The following PCDH15 variants were observed in gnomAD, a reference collection of about 807,000 sequenced individuals.
The protein encoded by PCDH15 is protocadherin-15.
In PCDH15, 129 loss-of-function variants were observed where a neutral mutation model predicts 178.5. The ratio of observed to expected loss-of-function variants is 0.72; its 90% CI spans 0.63 to 0.84. The LOEUF (loss-of-function observed/expected upper bound fraction) is 0.84. Ranked by LOEUF, PCDH15 falls within the 40% of genes least tolerant of loss-of-function variation. The pLI is 0.00. For missense variants in PCDH15, 2,230 were observed against 2,099.9 expected (o/e 1.06, Z -1.21); for synonymous variants, 800 against 732.0 (o/e 1.09, Z -1.50).
chr10:53,855,049 G>A (rs1395865821), intron 28 of PCDH15, among the ~76,000 whole-genome samples: 1 of 151,770 alleles, frequency 6.6e-6, no homozygotes. Flanking sequence ...GATAAATTTT[G>A]TCTCAAAATA....
At chr10:55,391,989 T>C (rs548829292) in intron 2 of PCDH15, among the ~76,000 whole-genome samples, 1 of 152,188 alleles carries the variant, frequency 6.6e-6, no homozygotes, top group Admixed American at 6.6e-5. Flanking sequence ...GTAGGGTTAT[T>C]AACTGGTTTA....
In PCDH15 at chr10:55,195,690, C is replaced by T. The variant is rs957923901; in HGVS notation, c.-155-29039G>A. On this transcript the variant is annotated intron_variant, in intron 1 of 5. Coordinates refer to the PCDH15 transcript ENST00000458638. The stretch of plus-strand genomic sequence containing the variant: ...AAAAAAAAGTAGTAAAGGAGACATG[C>T]GTGATAGATTTAAACAAAATGTATA... Among the ~76,000 whole-genome samples, 4 of 148,414 alleles carry T rather than the reference C, an allele frequency of 2.7e-5. 1 individual carries two copies. The highest frequency in any genetic ancestry group is 4.5e-5 in the Non-Finnish European group (3 of 67,388).
chr10:54,482,168 C>T (rs888176473), intron 3 of PCDH15, among the ~76,000 whole-genome samples: 1 of 151,840 alleles, frequency 6.6e-6, no homozygotes, highest in African/African-American at 2.4e-5. Flanking sequence ...ATTTGAACTT[C>T]TAATACCTAT....
intron 23 of PCDH15, among the ~76,000 whole-genome samples, chr10:53,955,039 T>A (rs1351945352): frequency 6.6e-6 from 1 of 152,208 alleles, no homozygotes; most frequent in Non-Finnish European, 1.5e-5. Flanking sequence ...GAGGTTGAAC[T>A]AGGACACAGT....
chr10:54,752,485 A>C (rs2384532), intron 1 of PCDH15, among the ~76,000 whole-genome samples: 40,694 of 82,964 alleles, frequency 0.49, 10,957 homozygotes, highest in East Asian at 0.68. Context: ...TCAAAAAAAA[A>C]AAAAAACAAA....
intron 2 of PCDH15, among the ~76,000 whole-genome samples, chr10:55,490,078 A>C (rs893647160): frequency 6.6e-6 from 1 of 151,768 alleles, no homozygotes; most frequent in Non-Finnish European, 1.5e-5. Context: ...AACAATTTAC[A>C]GACATTGGAC....
intron 2 of PCDH15, among the ~76,000 whole-genome samples, chr10:55,387,841 G>C (rs1837699435): frequency 6.6e-6 from 1 of 151,590 alleles, no homozygotes; most frequent in Non-Finnish European, 1.5e-5. Flanking sequence ...AACACACCGT[G>C]GTATTTTTTT....
At position 53,961,736 on chromosome 10, in the gene PCDH15, G is replaced by T; in HGVS notation, c.3009+16C>A. 1 of 1,591,402 alleles carries T rather than the reference G, an allele frequency of 6.3e-7. No homozygotes were observed. The highest frequency in any genetic ancestry group is 1.2e-5 in the South Asian group (1 of 86,278). On this transcript the variant is annotated intron_variant, in intron 22 of 37. Coordinates refer to ENST00000644397, the MANE Select transcript of PCDH15 (RefSeq NM_001384140.1). ...TTAAACATCAAATAGACCACATAAT[G>T]AAAAGAGACACTGACCTTAAAAATT...
rs539001549 is a variant in PCDH15, at chr10:55,270,475, G to A, written c.-156+49124C>T. Among the ~76,000 whole-genome samples, 118 of 151,296 alleles carry A rather than the reference G, an allele frequency of 7.8e-4. 2 individuals carry two copies. In the South Asian group the frequency reaches 0.024, roughly 31 times the overall value. Reference sequence around the variant, plus strand: ...ACCAAATAACTCCATTTAAAAAATGGGCAAAGGATATGAACAGACACTTCG... The same window carrying A: ...ACCAAATAACTCCATTTAAAAAATGAGCAAAGGATATGAACAGACACTTCG... On this transcript the variant is annotated intron_variant, in intron 1 of 5. Transcript: ENST00000458638.
chr10:54,980,668 TTC>T (rs574789353), intron 2 of PCDH15, among the ~76,000 whole-genome samples: 19 of 152,234 alleles, frequency 1.2e-4, no homozygotes, highest in African/African-American at 4.3e-4. Flanking sequence ...GTCTTTTACT[TTC>T]TGAGTATTTT....
In PCDH15 at chr10:53,810,677, CT is replaced by C; in HGVS notation, c.4563-14del. ...AGGCATTTCATACCTGTAATATAAACTTACATCTTTAAACAGTTTGTCATGT... is the reference window on the plus strand; with the variant it reads ...AGGCATTTCATACCTGTAATATAAACTACATCTTTAAACAGTTTGTCATGT... On this transcript the variant is annotated splice_polypyrimidine_tract_variant and intron_variant, in intron 36 of 37. Coordinates refer to ENST00000644397, the MANE Select transcript of PCDH15 (RefSeq NM_001384140.1). 6.2e-7 allele frequency: 1 copy of C among 1,602,326 alleles called. No homozygotes were observed. The highest frequency in any genetic ancestry group is 8.6e-7 in the Non-Finnish European group (1 of 1,169,528).
At position 55,009,753 on chromosome 10, in the gene PCDH15, C is replaced by A. The variant is rs565473086; in HGVS notation, c.-79-112253G>T. On this transcript the variant is annotated intron_variant, in intron 2 of 5. Coordinates refer to the PCDH15 transcript ENST00000458638. Reference sequence around the variant, plus strand: ...AACTTTGCAATCGAAAACTAAAGAGCGAAACAGAATCCTTGATTAACAACC... The same window carrying A: ...AACTTTGCAATCGAAAACTAAAGAGAGAAACAGAATCCTTGATTAACAACC... Among the ~76,000 whole-genome samples the A allele has an allele frequency of 2.6e-5, 4 of 152,042 alleles. No homozygotes were observed. The East Asian group carries it at 7.7e-4, about 29-fold the overall frequency.
chr10:54,527,620 T>C (rs1342126816), intron 3 of PCDH15, among the ~76,000 whole-genome samples, 192 bp downstream of exon 3: 1 of 152,150 alleles, frequency 6.6e-6, no homozygotes, highest in Non-Finnish European at 1.5e-5. Flanking sequence ...TGAATGAGAC[T>C]TTTATAAATT....
intron 1 of PCDH15, among the ~76,000 whole-genome samples, chr10:55,197,492 C>T (rs959358686): frequency 6.6e-6 from 1 of 152,018 alleles, no homozygotes; most frequent in African/African-American, 2.4e-5. Context: ...ACTTGGACTT[C>T]AACACTGTAG....
rs553019149 is a variant in PCDH15 at position 53,970,926 on chromosome 10, C to G, written c.2869-9034G>C. Among the ~76,000 whole-genome samples the G allele has an allele frequency of 5.9e-5, 9 of 152,292 alleles. No individual in the cohort carries two copies. In the East Asian group the frequency reaches 1.2e-3, roughly 20 times the overall value. ...TCAATAGAAAAAGAAGGAATCCTCC[C>G]TAACTCATTTTATGAAGTCAGCATC... On this transcript the variant is annotated intron_variant, in intron 21 of 37. Coordinates refer to ENST00000644397, the MANE Select transcript of PCDH15 (RefSeq NM_001384140.1).
chr10:55,279,872 C>A (rs2132256089), intron 1 of PCDH15, among the ~76,000 whole-genome samples: 1 of 152,172 alleles, frequency 6.6e-6, no homozygotes, highest in East Asian at 1.9e-4. Context: ...TATTCAAAAC[C>A]ACAGTTTTCG....
chr10:54,179,420 G>C (rs936536605), intron 13 of PCDH15, among the ~76,000 whole-genome samples: 8 of 137,666 alleles, frequency 5.8e-5, no homozygotes, highest in Non-Finnish European at 1.2e-4. Context: ...GGACTGTTGT[G>C]GGGTGGGGGG....
At chr10:54,101,375 G>A (rs1484194874) in intron 15 of PCDH15, among the ~76,000 whole-genome samples, 1 of 152,122 alleles carries the variant, frequency 6.6e-6, no homozygotes, top group African/African-American at 2.4e-5. Flanking sequence ...GGATGGTGGG[G>A]AGGGGAACAT....
At chr10:54,614,242 T>C (rs1447089840) in intron 2 of PCDH15, among the ~76,000 whole-genome samples, 1 of 151,974 alleles carries the variant, frequency 6.6e-6, no homozygotes, top group Non-Finnish European at 1.5e-5. Context: ...CCTAGAGGGC[T>C]GAGAGGCCAG....
Sources: allele counts gnomAD v4.1 joint callset (sites outside exome capture counted in the v4.1 genomes callset), GRCh38; gene constraint gnomAD v4.1.1; transcripts MANE v1.5; gene names NCBI Gene and HGNC (gene_info 2026-07-23, HGNC 2026-07-21).